The following ZNF814 variants were observed in gnomAD, a reference collection of about 807,000 sequenced individuals.
ZNF814 encodes the protein zinc finger protein 814.
A neutral mutation model predicts 7.5 loss-of-function variants in ZNF814; 5 were observed. That is an observed-to-expected ratio of 0.67 (90% confidence interval 0.35 to 1.40). ZNF814 has a LOEUF of 1.40. Among genes scored for constraint, ZNF814 ranks in the 40% most tolerant of loss-of-function variants. ZNF814 has a pLI of 0.04. For missense variants in ZNF814, 962 were observed against 1,018.0 expected, an observed-to-expected ratio of 0.94 and a Z score of 0.75; for synonymous variants, 315 against 340.7, an observed-to-expected ratio of 0.92 and a Z score of 0.83.
At chr19:57,898,953 A>AG in the ZNF814 span, among the ~76,000 whole-genome samples, 1 of 151,666 alleles carries the variant, frequency 6.6e-6, no homozygotes, top group African/African-American at 2.4e-5. Context: ...AAAAAAAAAA[A>AG]AAAAGAAAAG....
At chr19:57,885,982 A>AC (rs1313248804) in intron 1 of ZNF814, 1 of 150,256 alleles carries the variant, frequency 6.7e-6, no homozygotes, top group Non-Finnish European at 1.5e-5. Flanking sequence ...TCTCAAAAAA[A>AC]AAAAAACAAA....
intron 1 of ZNF814, among the ~76,000 whole-genome samples, chr19:57,888,452 G>GT (rs1277853088): frequency 6.6e-6 from 1 of 152,254 alleles, no homozygotes; most frequent in East Asian, 1.9e-4. Context: ...GGGTCCTCAC[G>GT]TGAGTTCATA....
chr19:57,885,717 A>G (rs1341630240), intron 1 of ZNF814, among the ~76,000 whole-genome samples: 1 of 152,124 alleles, frequency 6.6e-6, no homozygotes, highest in Non-Finnish European at 1.5e-5. Context: ...GAAAAAGAGA[A>G]TAAGATCTAG....
At chr19:57,903,473 G>C in the ZNF814 span, among the ~76,000 whole-genome samples, 3 of 152,104 alleles carry the variant, frequency 2.0e-5, no homozygotes, top group African/African-American at 7.2e-5. Context: ...GAATACATCC[G>C]ATTTTTGCGT....
chr19:57,876,465 T>G, intron 2 of ZNF814: 1 of 187,090 alleles, frequency 5.3e-6, no homozygotes, highest in Non-Finnish European at 1.1e-5. Context: ...TGACAGCCCA[T>G]GAGAGAAAAA....
In ZNF814 at chr19:57,873,568, C is replaced by G. The variant is rs753283892; in HGVS notation, c.1822G>C (p.Glu608Gln). The G allele has an allele frequency of 6.2e-7, 1 of 1,614,084 alleles. No homozygotes were observed. The highest frequency in any genetic ancestry group is 1.1e-5 in the South Asian group (1 of 91,072). ...TTATGACTAAAAGATTTCCCACATTCTCCACACTCATAAGGCCTCTCTCCA... is the reference window on the plus strand; with the variant it reads ...TTATGACTAAAAGATTTCCCACATTGTCCACACTCATAAGGCCTCTCTCCA... Reference protein sequence around the residue: ...HTGERPYECGECGKSFSHKRS... With the variant: ...HTGERPYECGQCGKSFSHKRS... Residue 608 changes from glutamate (E) to glutamine (Q), a missense_variant, in exon 3 of 3, where the codon GAA becomes CAA. This residue lies in a region of ZNF814 where 665 missense variants were observed against 551.4 expected (regional missense o/e 1.21). Coordinates refer to ENST00000435989, the MANE Select transcript of ZNF814 (RefSeq NM_001144989.2).
chr19:57,874,144 A>G lies in ZNF814; in HGVS notation c.1246T>C (p.Ser416Pro). Residue 416 changes from serine (S) to proline (P), a missense_variant, in exon 3 of 3, where the codon TCC (serine) becomes CCC (proline). Transcript: ENST00000435989. ...ATGAGGCTGCTCTTTTGACTAAAGG[A>G]TTTCCCACATTCTCCACATTCATAA... ...KHYECGECGK[S>P]FSQKSSLIQH... 3 of 1,595,100 alleles carry G rather than the reference A, an allele frequency of 1.9e-6. No homozygotes were observed. Among genetic ancestry groups the G allele is most frequent in the Non-Finnish European group, 2.6e-6 (3 of 1,170,506 alleles).
chr19:57,875,943 C>CCTT (rs2071602736), intron 2 of ZNF814, among the ~76,000 whole-genome samples: 1 of 71,378 alleles, frequency 1.4e-5, no homozygotes, highest in Non-Finnish European at 2.7e-5. Flanking sequence ...CAGGGTGCCG[C>CCTT]TTTTTTTTTT....
In ZNF814 at chr19:57,871,551, A is replaced by G. The variant is rs2122411264; in HGVS notation, c.*1271T>C. The stretch of plus-strand genomic sequence containing the variant: ...AGGCTGAAACAATAAGGCCTTCATA[A>G]TAGCACAAACCGGAGAAATGGGAGG... On this transcript the variant is annotated 3_prime_UTR_variant, in exon 3 of 3. Transcript: ENST00000435989. The G allele has an allele frequency of 6.6e-6, 1 of 152,340 alleles. No homozygotes were observed. The highest frequency in any genetic ancestry group is 2.1e-4 in the South Asian group (1 of 4,828). 9.4% of individuals were successfully genotyped at this position (152,340 alleles called of 1,614,324 possible).
the ZNF814 span, among the ~76,000 whole-genome samples, chr19:57,905,004 G>A: frequency 7.3e-4 from 99 of 135,314 alleles, no homozygotes; most frequent in African/African-American, 2.5e-3. Flanking sequence ...CCAAGATTGT[G>A]CCATTGCACT....
chr19:57,900,887 G>C, the ZNF814 span, among the ~76,000 whole-genome samples: 2 of 97,444 alleles, frequency 2.1e-5, no homozygotes, highest in Non-Finnish European at 3.8e-5. Context: ...TTGCTCTGTC[G>C]CCCAGGCTGG....
At chr19:57,886,398 G>A (rs1434274559) in intron 1 of ZNF814, among the ~76,000 whole-genome samples, 4 of 151,974 alleles carry the variant, frequency 2.6e-5, no homozygotes, top group Non-Finnish European at 4.4e-5. Flanking sequence ...GGGCCCCACG[G>A]TGCTCATCAC....
chr19:57,888,242 T>A (rs1427696754), intron 1 of ZNF814, among the ~76,000 whole-genome samples: 1 of 152,236 alleles, frequency 6.6e-6, no homozygotes, highest in African/African-American at 2.4e-5. Context: ...GTCTTCAGCC[T>A]CTGTGCCCAT....
At chr19:57,886,022 T>C (rs1283659894) in intron 1 of ZNF814, 1 of 147,138 alleles carries the variant, frequency 6.8e-6, no homozygotes, top group African/African-American at 2.5e-5. Flanking sequence ...AACTCATAAA[T>C]ACATACACCT....
chr19:57,878,364 C>G (rs1342362698), intron 1 of ZNF814, among the ~76,000 whole-genome samples: 1 of 151,752 alleles, frequency 6.6e-6, no homozygotes, highest in Non-Finnish European at 1.5e-5. Context: ...TTGAATAACT[C>G]TGGACATAAA....
At chr19:57,894,381 A>T in the ZNF814 span, among the ~76,000 whole-genome samples, 1 of 151,798 alleles carries the variant, frequency 6.6e-6, no homozygotes, top group African/African-American at 2.4e-5. Flanking sequence ...AAAAAAAAGA[A>T]GCCGATTTGC....
In ZNF814 at chr19:57,872,627, CA is replaced by C; in HGVS notation, c.*194del. ...TGTTTAATGAGACTGAAAGTTTCAG[CA>C]AAGGATTTCCCACATTCACTGCACT... On this transcript the variant is annotated 3_prime_UTR_variant, in exon 3 of 3. Transcript: ENST00000435989. The C allele has an allele frequency of 7.1e-7, 1 of 1,416,890 alleles. No individual in the cohort carries two copies. The highest frequency in any genetic ancestry group is 9.7e-7 in the Non-Finnish European group (1 of 1,026,004). 87.8% of individuals were successfully genotyped at this position (1,416,890 alleles called of 1,614,324 possible). A position where few individuals can be genotyped will look rare whatever the true frequency, so the allele number is the denominator to read the frequency against.
chr19:57,888,846 A>G lies in ZNF814; in HGVS notation c.-44T>C. ...GCAGAGTCGGGAGGATAGGGCGACC[A>G]GCCAGGAGATATGGGCACGACGGTC... is the stretch of plus-strand genomic sequence containing the variant. On this transcript the variant is annotated 5_prime_UTR_variant, in exon 1 of 3. Coordinates refer to ENST00000435989, the MANE Select transcript of ZNF814 (RefSeq NM_001144989.2). 1.9e-6 allele frequency: 3 copies of G among 1,550,664 alleles called. No individual in the cohort carries two copies. Among genetic ancestry groups the G allele is most frequent in the Non-Finnish European group, 2.6e-6 (3 of 1,146,224 alleles).
the ZNF814 span, among the ~76,000 whole-genome samples, chr19:57,900,838 C>CTTTTTTTTTTTTTTTTT: frequency 1.8e-5 from 1 of 56,426 alleles, no homozygotes; most frequent in African/African-American, 5.2e-5. Flanking sequence ...GCCATGGCTG[C>CTTTTTTTTTTTTTTTTT]ATTTTTTTTT....
Sources: allele counts gnomAD v4.1 joint callset (sites outside exome capture counted in the v4.1 genomes callset), GRCh38; gene constraint gnomAD v4.1.1; regional missense constraint gnomAD v4.1.1; transcripts MANE v1.5; gene names NCBI Gene and HGNC (gene_info 2026-07-23, HGNC 2026-07-21).